The following VEGFC variants were observed in gnomAD, a reference collection of about 807,000 sequenced individuals.
VEGFC encodes FLT4 ligand DHM.
VEGFC carries 12 observed loss-of-function variants against 46.1 expected under a neutral mutation model. The ratio of observed to expected loss-of-function variants is 0.26; its 90% confidence interval spans 0.17 to 0.42. The LOEUF (loss-of-function observed/expected upper bound fraction) is 0.42. Among genes scored for constraint, VEGFC ranks in the 10% least tolerant of loss-of-function variants. VEGFC has a pLI of 1.00. For synonymous variants in VEGFC, 232 were observed against 195.5 expected, an observed-to-expected ratio of 1.19 and a Z score of -1.56; for missense variants, 488 against 529.4, an observed-to-expected ratio of 0.92 and a Z score of 0.77.
At chr4:176,735,387 C>T (rs1245725316) in intron 1 of VEGFC, among the ~76,000 whole-genome samples, 1 of 151,988 alleles carries the variant, frequency 6.6e-6, no homozygotes, top group Middle Eastern at 3.4e-3. Flanking sequence ...TAAATTTCCA[C>T]TGTTTGGATG....
At chr4:176,697,841 T>A (rs200519218) in intron 4 of VEGFC, among the ~76,000 whole-genome samples, 5,403 of 119,178 alleles carry the variant, frequency 0.045, no homozygotes, top group African/African-American at 0.05. Context: ...TGTAGGGACA[T>A]GGATGAAATT....
At chr4:176,779,506 A>G (rs1735871025) in intron 1 of VEGFC, among the ~76,000 whole-genome samples, 1 of 152,210 alleles carries the variant, frequency 6.6e-6, no homozygotes, top group South Asian at 2.1e-4. Context: ...GAAGATTTGC[A>G]TAACACGTGT....
intron 4 of VEGFC, among the ~76,000 whole-genome samples, chr4:176,710,374 C>T (rs1450743801): frequency 3.9e-5 from 6 of 152,120 alleles, no homozygotes. Flanking sequence ...CTTGTATTAG[C>T]ATACATTTAT....
intron 1 of VEGFC, among the ~76,000 whole-genome samples, chr4:176,742,321 T>A (rs1176919354): frequency 2.6e-5 from 4 of 152,038 alleles, no homozygotes; most frequent in African/African-American, 9.7e-5. Context: ...ATTTTCTGTA[T>A]CCAGTCCCCC....
At position 176,729,737 on chromosome 4, in the gene VEGFC, T is replaced by C; in HGVS notation, c.157A>G (p.Ser53Gly). ...PDAGEATAYA[S>G]KDLEEQLRSV... is the part of the protein sequence containing the mutation. ...CGTAACTGCTCCTCCAGATCTTTGCTTGCATAAGCCTGTCAAAGAAAAATG... is the reference window on the plus strand; with the variant it reads ...CGTAACTGCTCCTCCAGATCTTTGCCTGCATAAGCCTGTCAAAGAAAAATG... The change falls in exon 2 of 7, where the codon AGC (serine) becomes GGC (glycine). Residue 53 changes from serine (S) to glycine (G), a missense_variant. Physicochemically the swap from Ser to Gly is moderately conservative, Grantham distance 56 (BLOSUM62 0). Transcript: ENST00000618562. The C allele has an allele frequency of 6.3e-7, 1 of 1,591,718 alleles. No individual in the cohort carries two copies. Among genetic ancestry groups the C allele is most frequent in the South Asian group, 1.1e-5 (1 of 87,502 alleles).
At chr4:176,710,361 T>C (rs1187919355) in intron 4 of VEGFC, among the ~76,000 whole-genome samples, 2 of 152,154 alleles carry the variant, frequency 1.3e-5, no homozygotes, top group African/African-American at 4.8e-5. Flanking sequence ...TAGTGGTCTC[T>C]TGCTTGTATT....
intron 6 of VEGFC, among the ~76,000 whole-genome samples, chr4:176,686,000 T>C (rs577688769): frequency 1.3e-5 from 2 of 152,304 alleles, no homozygotes; most frequent in East Asian, 1.9e-4. Context: ...TTAGTGAAGA[T>C]AGTAAATAAA....
intron 1 of VEGFC, among the ~76,000 whole-genome samples, chr4:176,748,559 G>A (rs1341056481): frequency 6.6e-6 from 1 of 151,838 alleles, no homozygotes; most frequent in Non-Finnish European, 1.5e-5. Flanking sequence ...AGAAAGAAAG[G>A]GAGGAAGATT....
At chr4:176,684,231 TTAAAA>T in intron 6 of VEGFC, among the ~76,000 whole-genome samples, 191 bp from the exon 7 acceptor site, 1 of 152,358 alleles carries the variant, frequency 6.6e-6, no homozygotes, top group South Asian at 2.1e-4. Context: ...TGGAAAAGCC[TTAAAA>T]TAAAAGTCTT....
chr4:176,691,981 A>T (rs907393242), intron 4 of VEGFC, among the ~76,000 whole-genome samples: 1 of 152,156 alleles, frequency 6.6e-6, no homozygotes, highest in Non-Finnish European at 1.5e-5. Context: ...GCATTGCCTC[A>T]CTTGGGAAGC....
intron 1 of VEGFC, among the ~76,000 whole-genome samples, chr4:176,765,413 T>C (rs1251924750): frequency 1.3e-5 from 2 of 152,132 alleles, no homozygotes; most frequent in Non-Finnish European, 2.9e-5. Flanking sequence ...GAAGTAGTTT[T>C]CTAGGATTTT....
intron 1 of VEGFC, among the ~76,000 whole-genome samples, chr4:176,753,554 A>C (rs1467610932): frequency 6.6e-6 from 1 of 152,120 alleles, no homozygotes; most frequent in Non-Finnish European, 1.5e-5. Context: ...CCAAAGTTTT[A>C]GGAAATTGAG....
chr4:176,774,498 G>A (rs1445056038), intron 1 of VEGFC, among the ~76,000 whole-genome samples: 4 of 152,144 alleles, frequency 2.6e-5, no homozygotes, highest in Admixed American at 2.6e-4. Flanking sequence ...TCTGTTAAAT[G>A]TTTATTTTTG....
chr4:176,691,943 C>T (rs1734188938), intron 4 of VEGFC, among the ~76,000 whole-genome samples: 1 of 152,162 alleles, frequency 6.6e-6, no homozygotes, highest in Non-Finnish European at 1.5e-5. Context: ...TGGGTGCACG[C>T]ACCGTGCGCG....
chr4:176,714,383 C>T (rs759307240), intron 3 of VEGFC, among the ~76,000 whole-genome samples: 1 of 152,156 alleles, frequency 6.6e-6, no homozygotes, highest in Admixed American at 6.5e-5. Flanking sequence ...TGAGGCATCA[C>T]CAGAAGGTGA....
rs887927390 is a variant in VEGFC at position 176,792,132 on chromosome 4, T to C, written c.147+33A>G. The C allele has an allele frequency of 1.4e-6, 2 of 1,436,524 alleles. No homozygotes were observed. The highest frequency in any genetic ancestry group is 1.8e-6 in the Non-Finnish European group (2 of 1,092,992). The allele number at this position is 1,436,524 out of a possible 1,614,324, so 89.0% of individuals were successfully genotyped here. A position where few individuals can be genotyped will look rare whatever the true frequency, so the allele number is the denominator to read the frequency against. On this transcript the variant is annotated intron_variant, in intron 1 of 6. Transcript: ENST00000618562. The surrounding 1 kb of genome is among the most constrained non-coding windows in gnomAD (Gnocchi z 6.3). ...CCGCCGCAGACCCTAACGCAAACTC[T>C]CGGGTTCTCCGCAAACCCTAACGCA...
At chr4:176,715,120 G>A (rs1734676730) in intron 3 of VEGFC, among the ~76,000 whole-genome samples, 1 of 152,130 alleles carries the variant, frequency 6.6e-6, no homozygotes, top group African/African-American at 2.4e-5. Context: ...ACTACTTAAA[G>A]GAAATAAAGG....
intron 3 of VEGFC, among the ~76,000 whole-genome samples, chr4:176,719,015 C>T (rs1378408458): frequency 6.6e-6 from 1 of 152,126 alleles, no homozygotes; most frequent in East Asian, 1.9e-4. Context: ...TTTTCAAAGC[C>T]ACTTAGATAC....
intron 4 of VEGFC, 77 bp downstream of exon 4, chr4:176,711,422 T>G: frequency 1.4e-6 from 2 of 1,466,582 alleles, no homozygotes; most frequent in Non-Finnish European, 1.8e-6. Context: ...AGAGGTTATT[T>G]GTTTAACTTA....
Sources: allele counts gnomAD v4.1 joint callset (sites outside exome capture counted in the v4.1 genomes callset), GRCh38; gene constraint gnomAD v4.1.1; non-coding constraint Gnocchi (gnomAD v3.1); transcripts MANE v1.5; gene names NCBI Gene and HGNC (gene_info 2026-07-23, HGNC 2026-07-21).